Variants in PTPRJ observed in about 807,000 individuals in gnomAD.
The protein encoded by PTPRJ is protein tyrosine phosphatase receptor type J.
In PTPRJ, 129 loss-of-function variants were observed where a neutral mutation model predicts 141.3. The observed-to-expected ratio is 0.91, with a 90% CI of 0.79 to 1.06. The LOEUF (loss-of-function observed/expected upper bound fraction) is 1.06. Ranked by LOEUF, PTPRJ falls within the 50% of genes least tolerant of loss-of-function variation. PTPRJ has a pLI of 0.00. For synonymous variants in PTPRJ, 610 were observed against 640.5 expected, an observed-to-expected ratio of 0.95 and a Z score of 0.72; for missense variants, 1,601 against 1,679.7, an observed-to-expected ratio of 0.95 and a Z score of 0.82.
At chr11:48,122,586 C>T (rs1256236376) in intron 4 of PTPRJ, among the ~76,000 whole-genome samples, 1 of 152,200 alleles carries the variant, frequency 6.6e-6, no homozygotes, top group Non-Finnish European at 1.5e-5. Context: ...TACTGAGTAT[C>T]AAGTGGTGGG....
At chr11:48,122,855 G>T (rs1233004207) in intron 4 of PTPRJ, among the ~76,000 whole-genome samples, 1 of 152,130 alleles carries the variant, frequency 6.6e-6, no homozygotes, top group Non-Finnish European at 1.5e-5. Flanking sequence ...CTCAGGAGGG[G>T]TTTTGCTCTA....
At chr11:47,983,426 C>A (rs923562586) in intron 1 of PTPRJ, among the ~76,000 whole-genome samples, 3 of 152,102 alleles carry the variant, frequency 2.0e-5, no homozygotes, top group Admixed American at 1.3e-4. Context: ...ATCAACTATA[C>A]CAGGTTAAAC....
At chr11:47,992,473 A>G (rs1854221928) in intron 1 of PTPRJ, among the ~76,000 whole-genome samples, 1 of 152,174 alleles carries the variant, frequency 6.6e-6, no homozygotes, top group African/African-American at 2.4e-5. Flanking sequence ...GCGCCCAAGT[A>G]TAGGCCACTT....
At chr11:48,131,467 A>ATTAATTATGAATATTCTTTCCTC (rs1565319185) in intron 8 of PTPRJ, 1 of 769,186 alleles carries the variant, frequency 1.3e-6, no homozygotes, top group East Asian at 2.5e-5. Context: ...CAACTTGCCA[A>ATTAATTATGAATATTCTTTCCTC]TTAATTATGA....
intron 22 of PTPRJ, among the ~76,000 whole-genome samples, chr11:48,160,408 GGA>G (rs1857737075): frequency 6.6e-6 from 1 of 152,152 alleles, no homozygotes; most frequent in South Asian, 2.1e-4. Context: ...TATGGCATCA[GGA>G]GCGGCCACTT....
At chr11:48,009,226 T>G (rs1565255373) in intron 1 of PTPRJ, among the ~76,000 whole-genome samples, 1 of 152,096 alleles carries the variant, frequency 6.6e-6, no homozygotes, top group Non-Finnish European at 1.5e-5. Context: ...ACTGAAAAAA[T>G]GTTCCATGAT....
At chr11:48,132,699 A>T in intron 8 of PTPRJ, 1 of 775,376 alleles carries the variant, frequency 1.3e-6, no homozygotes, top group Non-Finnish European at 1.5e-6. Flanking sequence ...TAATAAAAAC[A>T]TATATATATA....
intron 1 of PTPRJ, among the ~76,000 whole-genome samples, chr11:48,088,224 T>C (rs1320055748): frequency 1.3e-5 from 2 of 152,194 alleles, no homozygotes; most frequent in East Asian, 3.8e-4. Flanking sequence ...TTGACAACAA[T>C]AACATTCCTT....
intron 4 of PTPRJ, 129 bp downstream of exon 4, chr11:48,121,395 C>A: frequency 9.6e-7 from 1 of 1,042,008 alleles, no homozygotes; most frequent in Non-Finnish European, 1.4e-6. Flanking sequence ...AGAAAAGGTG[C>A]TATGTTGTTT....
chr11:47,982,174 C>T (rs1853927962), intron 1 of PTPRJ, among the ~76,000 whole-genome samples: 1 of 152,348 alleles, frequency 6.6e-6, no homozygotes, highest in African/African-American at 2.4e-5. Flanking sequence ...ACCCAAGGGT[C>T]TCTCCTCGCA....
At position 48,092,920 on chromosome 11, in the gene PTPRJ, G is replaced by T. The variant is rs2065483258; in HGVS notation, c.97-17138G>T. Among the ~76,000 whole-genome samples the T allele has an allele frequency of 2.6e-5, 4 of 152,286 alleles. No individual in the cohort carries two copies. The South Asian group carries it at 8.3e-4, about 32-fold the overall frequency. ...CAAATTGCCGTGTTGAGTTAAGGAA[G>T]CTCTTTTCCAGTCTGAGTTTGCAAA... is the stretch of plus-strand genomic sequence containing the variant. On this transcript the variant is annotated intron_variant, in intron 1 of 24. Coordinates refer to ENST00000418331, the MANE Select transcript of PTPRJ (RefSeq NM_002843.4).
chr11:48,053,272 AATATATAAAT>A (rs1854640958), intron 1 of PTPRJ, among the ~76,000 whole-genome samples: 1 of 88,066 alleles, frequency 1.1e-5, no homozygotes, highest in Non-Finnish European at 2.0e-5. Context: ...ATATTATATA[AATATATAAAT>A]ATATAAAAAT....
At position 48,123,654 on chromosome 11, in the gene PTPRJ, G is replaced by A; in HGVS notation, c.658G>A (p.Val220Met). 7 of 1,614,164 alleles carry A rather than the reference G, an allele frequency of 4.3e-6. No individual in the cohort carries two copies. The highest frequency in any genetic ancestry group is 5.9e-6 in the Non-Finnish European group (7 of 1,180,000). Reference sequence around the variant, plus strand: ...TGATCTCCGTGTTGCCCTCACGGGTGTGAGGAAGGCTGCTCTCTCCTGGAG... The same window carrying A: ...TGATCTCCGTGTTGCCCTCACGGGTATGAGGAAGGCTGCTCTCTCCTGGAG... The part of the protein sequence containing the change: ...VSDLRVALTG[V>M]RKAALSWSNG... Residue 220 changes from valine to methionine, a missense_variant, in exon 5 of 25, where the codon GTG becomes ATG. Coordinates refer to ENST00000418331, the MANE Select transcript of PTPRJ (RefSeq NM_002843.4).
chr11:48,040,945 G>A (rs1238891849), intron 1 of PTPRJ, among the ~76,000 whole-genome samples: 1 of 152,014 alleles, frequency 6.6e-6, no homozygotes, highest in Admixed American at 6.6e-5. Context: ...AGAGCTCCGG[G>A]TTGTCCTGCA....
chr11:48,005,148 G>A (rs958958995), intron 1 of PTPRJ, among the ~76,000 whole-genome samples: 81 of 152,148 alleles, frequency 5.3e-4, no homozygotes, highest in African/African-American at 1.9e-3. Flanking sequence ...CTTGAACCTG[G>A]GAGGTGGAGG....
In PTPRJ at chr11:48,065,140, G is replaced by A. The variant is rs181923255; in HGVS notation, c.97-44918G>A. 3.2e-4 allele frequency among the ~76,000 whole-genome samples: 48 copies of A among 148,236 alleles called. 1 individual carries two copies. Among genetic ancestry groups the A allele is most frequent in the South Asian group, 2.6e-3 (12 of 4,558 alleles). ...AACGATTCTCCTGCCTCAGCCTCCC[G>A]AGTAGCTGGGACTACAGGCATGCAC... On this transcript the variant is annotated intron_variant, in intron 1 of 24. Transcript: ENST00000418331.
In PTPRJ at chr11:48,150,016, T is replaced by A. The variant is rs1857442348; in HGVS notation, c.3050+18T>A. 1 of 1,502,822 alleles carries A rather than the reference T, an allele frequency of 6.7e-7. No individual in the cohort carries two copies. The highest frequency in any genetic ancestry group is 1.2e-5 in the South Asian group (1 of 85,540). The allele number at this position is 1,502,822 out of a possible 1,614,324, so 93.1% of individuals were successfully genotyped here. ...CCTAAAAAGTGAGTAATCTCTTTAT[T>A]TTTTTTAATAACTTGTACTTTTCTA... is the stretch of plus-strand genomic sequence containing the variant. On this transcript the variant is annotated intron_variant, in intron 17 of 24. Transcript: ENST00000418331.
chr11:48,139,749 C>T lies in PTPRJ; in HGVS notation c.2416C>T (p.Arg806Trp), dbSNP rs779288569. Residue 806 changes from arginine (R) to tryptophan (W), a missense_variant, in exon 11 of 25, where the codon CGG becomes TGG. Physicochemically the swap from Arg to Trp is moderately radical, Grantham distance 101. Coordinates refer to ENST00000418331, the MANE Select transcript of PTPRJ (RefSeq NM_002843.4). Reference protein sequence around the residue: ...VSCGKMAAPTRNTCTTGITDP... With the variant: ...VSCGKMAAPTWNTCTTGITDP... The stretch of plus-strand genomic sequence containing the variant: ...CTGTGGAAAGATGGCAGCCCCCACC[C>T]GGAACACCTGCACTACTGGCATCAC... 23 of 1,614,086 alleles carry T rather than the reference C, an allele frequency of 1.4e-5. No homozygotes were observed. Among genetic ancestry groups the T allele is most frequent in the Middle Eastern group, 1.7e-4 (1 of 6,018 alleles).
intron 1 of PTPRJ, among the ~76,000 whole-genome samples, chr11:48,098,138 C>T (rs1042423607): frequency 3.3e-5 from 5 of 152,110 alleles, no homozygotes; most frequent in Admixed American, 1.3e-4. Context: ...CTTTGGTGTC[C>T]GCGCATGCCT....
Sources: allele counts gnomAD v4.1 joint callset (sites outside exome capture counted in the v4.1 genomes callset), GRCh38; gene constraint gnomAD v4.1.1; transcripts MANE v1.5; gene names NCBI Gene and HGNC (gene_info 2026-07-23, HGNC 2026-07-21).